THRB: variants seen among roughly 807,000 people sequenced by gnomAD.
THRB encodes nuclear receptor subfamily 1 group A member 2.
A neutral mutation model predicts 47.8 loss-of-function variants in THRB; 12 were observed. The observed-to-expected ratio is 0.25, with a 90% CI of 0.16 to 0.41. THRB has a LOEUF of 0.41. THRB is among the 10% of genes least tolerant of loss of function. The pLI is 1.00. For missense variants in THRB, 348 were observed against 589.2 expected (o/e 0.59, Z 4.24); for synonymous variants, 218 against 212.2 (o/e 1.03, Z -0.24).
At chr3:24,414,127 T>C (rs1248051937) in intron 1 of THRB, among the ~76,000 whole-genome samples, 3 of 151,814 alleles carry the variant, frequency 2.0e-5, no homozygotes, top group Non-Finnish European at 1.5e-5. Flanking sequence ...TTCACCCTAA[T>C]AGCAATGGCA....
At chr3:24,412,300 TC>T (rs2068369293) in intron 1 of THRB, among the ~76,000 whole-genome samples, 1 of 151,792 alleles carries the variant, frequency 6.6e-6, no homozygotes, top group South Asian at 2.1e-4. Context: ...TTTTAGTCTC[TC>T]ATATTGGCCA....
chr3:24,336,720 T>C (rs1484276355), intron 2 of THRB, among the ~76,000 whole-genome samples: 2 of 149,582 alleles, frequency 1.3e-5, no homozygotes, highest in Non-Finnish European at 3.0e-5. Context: ...CTAATTCTCA[T>C]GCTTTTTTTT....
At chr3:24,472,854 T>G (rs1312287553) in intron 1 of THRB, among the ~76,000 whole-genome samples, 1 of 152,180 alleles carries the variant, frequency 6.6e-6, no homozygotes, top group Admixed American at 6.5e-5. Flanking sequence ...TCGGGAGACC[T>G]TCAAGCAGCA....
At chr3:24,443,017 AC>A (rs1021661140) in intron 1 of THRB, among the ~76,000 whole-genome samples, 9 of 151,862 alleles carry the variant, frequency 5.9e-5, no homozygotes, top group Admixed American at 5.9e-4. Flanking sequence ...CTCCGTCTGT[AC>A]TAAAAATACA....
intron 1 of THRB, among the ~76,000 whole-genome samples, chr3:24,470,427 T>C: frequency 6.6e-6 from 1 of 152,212 alleles, no homozygotes. Context: ...ATGTACTAGC[T>C]ATGTGACCTT....
chr3:24,218,334 CTCTCTCTCTTTT>C (rs2046808405), intron 4 of THRB, among the ~76,000 whole-genome samples: 4 of 117,216 alleles, frequency 3.4e-5, no homozygotes, highest in African/African-American at 1.6e-4. Flanking sequence ...GTCTCTCTCT[CTCTCTCTCTTTT>C]TTTTTTTTTT....
intron 3 of THRB, among the ~76,000 whole-genome samples, chr3:24,295,461 T>G (rs1265366967): frequency 6.6e-6 from 1 of 152,238 alleles, no homozygotes; most frequent in Admixed American, 6.5e-5. Flanking sequence ...AGTGATTGAA[T>G]GGTACTTTTT....
intron 1 of THRB, among the ~76,000 whole-genome samples, chr3:24,340,549 T>A (rs945653925): frequency 6.6e-6 from 1 of 152,094 alleles, no homozygotes; most frequent in Non-Finnish European, 1.5e-5. Flanking sequence ...TTAAATAGTA[T>A]CCCATAATAT....
In THRB at chr3:24,341,066, C is replaced by T. The variant is rs150122387; in HGVS notation, c.-260-3695G>A. Among the ~76,000 whole-genome samples, 836 of 151,572 alleles carry T rather than the reference C, an allele frequency of 5.5e-3. 9 individuals carry two copies. Among genetic ancestry groups the T allele is most frequent in the African/African-American group, 0.019 (802 of 41,330 alleles). On this transcript the variant is annotated intron_variant, in intron 1 of 10. Transcript: ENST00000646209. The stretch of plus-strand genomic sequence containing the variant: ...TTGACAAGCCATCACATTATATCTT[C>T]TAGAGAAACAAATTCTTTTTCTTTT...
At chr3:24,253,204 G>A (rs826228) in intron 3 of THRB, among the ~76,000 whole-genome samples, 98,781 of 152,048 alleles carry the variant, frequency 0.65, 32,608 homozygotes, top group Middle Eastern at 0.74. Flanking sequence ...AAGGAAAATG[G>A]AAAGTATATA....
intron 5 of THRB, among the ~76,000 whole-genome samples, chr3:24,156,797 A>G (rs949398759): frequency 1.3e-5 from 2 of 152,160 alleles, no homozygotes; most frequent in African/African-American, 4.8e-5. Flanking sequence ...TCCTCAGTTC[A>G]TCCTGCAGCT....
chr3:24,262,313 T>C (rs2150512615), intron 3 of THRB, among the ~76,000 whole-genome samples: 1 of 152,322 alleles, frequency 6.6e-6, no homozygotes, highest in African/African-American at 2.4e-5. Flanking sequence ...TTCATCTTTG[T>C]CCCCCAACAT....
At chr3:24,128,972 A>T (rs1480171850) in intron 9 of THRB, among the ~76,000 whole-genome samples, 9 of 149,746 alleles carry the variant, frequency 6.0e-5, no homozygotes, top group African/African-American at 1.7e-4. Flanking sequence ...GCAGTTACAA[A>T]TTCCTTTTGG....
chr3:24,419,434 T>C (rs1398892266), intron 1 of THRB, among the ~76,000 whole-genome samples: 1 of 151,896 alleles, frequency 6.6e-6, no homozygotes, highest in Non-Finnish European at 1.5e-5. Flanking sequence ...AAAGCCAATC[T>C]AGGCTTCCTG....
intron 1 of THRB, among the ~76,000 whole-genome samples, chr3:24,427,385 CA>C (rs1412830541): frequency 1.3e-5 from 2 of 152,018 alleles, no homozygotes; most frequent in Non-Finnish European, 1.5e-5. Context: ...TTAAAAATAG[CA>C]AACCCTGCAC....
intron 1 of THRB, among the ~76,000 whole-genome samples, chr3:24,406,146 C>T (rs2150128856): frequency 6.6e-6 from 1 of 151,680 alleles, no homozygotes; most frequent in Non-Finnish European, 1.5e-5. Flanking sequence ...TTTCACTTCC[C>T]TAATCACATG....
At chr3:24,271,074 T>C (rs990361675) in intron 3 of THRB, among the ~76,000 whole-genome samples, 1 of 152,188 alleles carries the variant, frequency 6.6e-6, no homozygotes, top group Admixed American at 6.5e-5. Context: ...CTTGTCACTA[T>C]TTTCTCAGAC....
intron 2 of THRB, among the ~76,000 whole-genome samples, chr3:24,313,688 T>C (rs541537294): frequency 4.6e-5 from 7 of 152,252 alleles, no homozygotes; most frequent in East Asian, 1.9e-4. Context: ...TTGTACTAAA[T>C]AGAAATTGAG....
chr3:24,455,302 T>C (rs1206813174), intron 1 of THRB: 1 of 152,000 alleles, frequency 6.6e-6, no homozygotes, highest in Non-Finnish European at 1.5e-5. Flanking sequence ...CTCTTCAACA[T>C]TTTCAGCATA....
Sources: gnomAD v4.1 joint callset for allele counts (sites outside exome capture counted in the v4.1 genomes callset) on GRCh38, gnomAD v4.1.1 for gene constraint, MANE v1.5 for transcripts, NCBI Gene and HGNC (gene_info 2026-07-23, HGNC 2026-07-21) for gene names.